The following C1orf198 variants were observed in gnomAD, a reference collection of about 807,000 sequenced individuals.
C1orf198 encodes the protein uncharacterized protein C1orf198.
C1orf198 carries 17 observed loss-of-function variants against 31.4 expected under a neutral mutation model. The ratio of observed to expected loss-of-function variants is 0.54; its 90% CI spans 0.37 to 0.81. The LOEUF (loss-of-function observed/expected upper bound fraction) is 0.81. Among genes scored for constraint, C1orf198 ranks in the 40% least tolerant of loss-of-function variants. The pLI is 0.00. For missense variants in C1orf198, 401 were observed against 450.3 expected (o/e 0.89, Z 0.99); for synonymous variants, 175 against 193.8 (o/e 0.90, Z 0.81).
intron 3 of C1orf198, among the ~76,000 whole-genome samples, chr1:230,841,085 C>T (rs1669426708): frequency 6.6e-6 from 1 of 152,194 alleles, no homozygotes; most frequent in Admixed American, 6.5e-5. Context: ...AGAGGAAGCC[C>T]TCAGTGCCGA....
intron 1 of C1orf198, among the ~76,000 whole-genome samples, chr1:230,861,593 A>G (rs55762918): frequency 0.75 from 113,558 of 152,190 alleles, 42,979 homozygotes; most frequent in East Asian, 0.97. Flanking sequence ...CATGGCAACC[A>G]GCAAATGCTA....
chr1:230,852,813 G>C (rs774863019), intron 2 of C1orf198, among the ~76,000 whole-genome samples: 1 of 152,178 alleles, frequency 6.6e-6, no homozygotes, highest in Non-Finnish European at 1.5e-5. Flanking sequence ...TTTAAAATGG[G>C]TGCAAACTCT....
chr1:230,847,156 G>A (rs1669615228), intron 2 of C1orf198, among the ~76,000 whole-genome samples: 1 of 145,174 alleles, frequency 6.9e-6, no homozygotes, highest in Non-Finnish European at 1.5e-5. Context: ...ACGCATGCCT[G>A]TAATCCCAGC....
At position 230,868,273 on chromosome 1, in the gene C1orf198, C is replaced by A. The variant is rs1490944172; in HGVS notation, c.240G>T (p.Pro80=). 1.3e-6 allele frequency: 2 copies of A among 1,584,760 alleles called. No individual in the cohort carries two copies. The highest frequency in any genetic ancestry group is 8.6e-7 in the Non-Finnish European group (1 of 1,167,586). ...IDRCLVGPRA[P]APRDPGDSEE... is the part of the protein sequence containing the mutation. ...CCGAGTCCCCGGGGTCTCGGGGCGC[C>A]GGGGCGCGCGGCCCCACCAGGCACC... Residue 80 remains proline, a synonymous_variant, in exon 1 of 4, where the codon CCG becomes CCT. Transcript: ENST00000366663.
Position 230,843,517 on chromosome 1 carries a change from A to G in C1orf198, c.764T>C (p.Leu255Pro). The G allele has an allele frequency of 6.2e-7, 1 of 1,612,266 alleles. No individual in the cohort carries two copies. The highest frequency in any genetic ancestry group is 1.7e-4 in the Middle Eastern group (1 of 6,046). The change falls in exon 3 of 4, where the codon CTT (leucine) becomes CCT (proline). Residue 255 changes from leucine to proline, a missense_variant. Leu to Pro is a moderately conservative substitution (Grantham distance 98). Coordinates refer to ENST00000366663, the MANE Select transcript of C1orf198 (RefSeq NM_032800.3). This position sits in a 1 kb window ranked among gnomAD's most constrained non-coding sequence, Gnocchi z 4.9. The stretch of plus-strand genomic sequence containing the variant: ...CTCACGTTCGGTGCTCACGTTGGGA[A>G]GAGGACGCTGCTCCTGACGGAGGGT... ...PSTLRQEQRPLPNVSTERERP... is the reference protein window; with the variant it reads ...PSTLRQEQRPPPNVSTERERP...
chr1:230,852,492 C>T (rs1669771423), intron 2 of C1orf198, among the ~76,000 whole-genome samples: 1 of 152,108 alleles, frequency 6.6e-6, no homozygotes, highest in African/African-American at 2.4e-5. Flanking sequence ...AATCATTCCA[C>T]AATGTACACA....
intron 2 of C1orf198, among the ~76,000 whole-genome samples, chr1:230,845,809 CCCT>C (rs1420458461): frequency 6.6e-6 from 1 of 152,192 alleles, no homozygotes; most frequent in East Asian, 1.9e-4. Context: ...CACAACCCTT[CCCT>C]CCTCCCATAA....
At position 230,843,543 on chromosome 1, in the gene C1orf198, G is replaced by C; in HGVS notation, c.738C>G (p.Ser246Arg). 6.2e-7 allele frequency: 1 copy of C among 1,613,518 alleles called. No individual in the cohort carries two copies. Among genetic ancestry groups the C allele is most frequent in the East Asian group, 2.2e-5 (1 of 44,864 alleles). ...GAGGACGCTGCTCCTGACGGAGGGT[G>C]CTGGGCCTTTCCACCTTGGCCTCCC... is the stretch of plus-strand genomic sequence containing the variant. ...KDREAKVERP[S>R]TLRQEQRPLP... The change falls in exon 3 of 4, where the codon AGC becomes AGG. Residue 246 changes from serine to arginine, a missense_variant. Coordinates refer to ENST00000366663, the MANE Select transcript of C1orf198 (RefSeq NM_032800.3). The surrounding 1 kb of genome is among the most constrained non-coding windows in gnomAD (Gnocchi z 4.9).
intron 1 of C1orf198, among the ~76,000 whole-genome samples, chr1:230,863,546 A>C (rs925755094): frequency 2.0e-5 from 3 of 152,198 alleles, no homozygotes; most frequent in Non-Finnish European, 4.4e-5. Context: ...GTCTGTGACC[A>C]AGTCACTTCA....
At position 230,843,365 on chromosome 1, in the gene C1orf198, T is replaced by C. The variant is rs1443490370; in HGVS notation, c.916A>G (p.Lys306Glu). ...TAAAGGCCACTCACCTGTGCAAACT[T>C]GGGTTCCGAGAACAGGGTGTCTTCC... ...DGEDTLFSEP[K>E]FAQVSSSNVV... The change falls in exon 3 of 4, where the codon AAG becomes GAG. Residue 306 changes from lysine (K) to glutamate (E), a missense_variant. Physicochemically the swap from Lys to Glu is moderately conservative, Grantham distance 56 (BLOSUM62 1). Coordinates refer to ENST00000366663, the MANE Select transcript of C1orf198 (RefSeq NM_032800.3). The surrounding 1 kb of genome is among the most constrained non-coding windows in gnomAD (Gnocchi z 4.9). The C allele has an allele frequency of 3.2e-6, 5 of 1,554,684 alleles. No individual in the cohort carries two copies. In the South Asian group the frequency reaches 5.9e-5, roughly 18 times the overall value.
chr1:230,858,468 C>T (rs113488603), intron 1 of C1orf198, among the ~76,000 whole-genome samples: 2 of 152,222 alleles, frequency 1.3e-5, no homozygotes, highest in African/African-American at 4.8e-5. Context: ...CTCACACACC[C>T]CCTAAGACTT....
Position 230,850,753 on chromosome 1 carries a change from G to A in C1orf198, c.384+4915C>T, listed in dbSNP as rs535060483. Reference sequence around the variant, plus strand: ...GTGAGAAGCACAGAGACCAAGTTGCGGGTGGGTGGATGCAGCCCCATGGTG... The same window carrying A: ...GTGAGAAGCACAGAGACCAAGTTGCAGGTGGGTGGATGCAGCCCCATGGTG... On this transcript the variant is annotated intron_variant, in intron 2 of 3. Coordinates refer to ENST00000366663, the MANE Select transcript of C1orf198 (RefSeq NM_032800.3). Among the ~76,000 whole-genome samples the A allele has an allele frequency of 5.1e-4, 77 of 152,112 alleles. No homozygotes were observed. In the South Asian group the frequency reaches 0.013, roughly 26 times the overall value.
chr1:230,846,346 C>A (rs1421058048), intron 2 of C1orf198, among the ~76,000 whole-genome samples: 1 of 152,232 alleles, frequency 6.6e-6, no homozygotes, highest in Non-Finnish European at 1.5e-5. Flanking sequence ...GTTCTTCATG[C>A]CTTTCATGCA....
At chr1:230,854,862 A>C (rs1669834967) in intron 2 of C1orf198, among the ~76,000 whole-genome samples, 1 of 152,066 alleles carries the variant, frequency 6.6e-6, no homozygotes, top group South Asian at 2.1e-4. Flanking sequence ...AAAACCAAAA[A>C]ACAAGTGCCT....
At chr1:230,858,143 G>T (rs1033595360) in intron 1 of C1orf198, among the ~76,000 whole-genome samples, 3 of 152,220 alleles carry the variant, frequency 2.0e-5, no homozygotes, top group Non-Finnish European at 4.4e-5. Context: ...GTGATTAGAT[G>T]TCTCCTAGCA....
chr1:230,846,506 C>T (rs1489410759), intron 2 of C1orf198, among the ~76,000 whole-genome samples: 1 of 152,252 alleles, frequency 6.6e-6, no homozygotes, highest in Non-Finnish European at 1.5e-5. Flanking sequence ...AGGTCCTATA[C>T]ATAGAGAGCG....
At chr1:230,859,605 G>A (rs1205356063) in intron 1 of C1orf198, among the ~76,000 whole-genome samples, 2 of 152,094 alleles carry the variant, frequency 1.3e-5, no homozygotes, top group Non-Finnish European at 2.9e-5. Context: ...AAAGCAGGGG[G>A]GAAGCTATAG....
intron 2 of C1orf198, among the ~76,000 whole-genome samples, chr1:230,847,506 G>GAGAT (rs929873632): frequency 6.6e-6 from 1 of 152,174 alleles, no homozygotes; most frequent in Non-Finnish European, 1.5e-5. Flanking sequence ...CCTGGATTGA[G>GAGAT]AGATTCTAAG....
At position 230,858,274 on chromosome 1, in the gene C1orf198, C is replaced by T. The variant is rs113199335; in HGVS notation, c.334-2556G>A. On this transcript the variant is annotated intron_variant, in intron 1 of 3. Coordinates refer to ENST00000366663, the MANE Select transcript of C1orf198 (RefSeq NM_032800.3). ...AAAATCCTCAGAACCCTCTGAGTTC[C>T]GTTTAGAAGCAATCAAACCAAGAAG... 1.2e-4 allele frequency among the ~76,000 whole-genome samples: 19 copies of T among 152,262 alleles called. 1 individual carries two copies. The East Asian group carries it at 2.9e-3, about 23-fold the overall frequency.
Sources: allele counts gnomAD v4.1 joint callset (sites outside exome capture counted in the v4.1 genomes callset), GRCh38; gene constraint gnomAD v4.1.1; non-coding constraint Gnocchi (gnomAD v3.1); transcripts MANE v1.5; gene names NCBI Gene and HGNC (gene_info 2026-07-23, HGNC 2026-07-21).